The following TMEM150B variants were observed in gnomAD, a reference collection of about 807,000 sequenced individuals.
The protein encoded by TMEM150B is transmembrane protein 150B, also known as modulator of macroautophagy TMEM150B.
TMEM150B carries 33 observed loss-of-function variants against 25.2 expected under a neutral mutation model. That is an observed-to-expected ratio of 1.31 (90% CI 0.99 to 1.75). TMEM150B has a LOEUF of 1.75. Among genes scored for constraint, TMEM150B ranks in the 40% most tolerant of loss-of-function variants. The pLI, the probability that TMEM150B is intolerant of heterozygous loss-of-function variation, is 0.00. For synonymous variants in TMEM150B, 133 were observed against 134.8 expected (o/e 0.99, Z 0.09); for missense variants, 322 against 306.1 (o/e 1.05, Z -0.39).
chr19:55,320,586 C>G lies in TMEM150B; in HGVS notation c.100G>C (p.Asp34His), dbSNP rs2089174435. ...FAIAVTNRTV[D>H]LSKGFPYISI... The stretch of plus-strand genomic sequence containing the variant: ...ATGTAGGGAAAGCCTTTACTGAGGT[C>G]CACAGTCCTGTTGGTCACTGCAATG... The change falls in exon 4 of 8, where the codon GAC (aspartate) becomes CAC (histidine). Residue 34 changes from aspartate to histidine, a missense_variant. Asp to His is a moderately conservative substitution (Grantham distance 81, BLOSUM62 -1). Coordinates refer to ENST00000326652, the MANE Select transcript of TMEM150B (RefSeq NM_001282011.2). The G allele has an allele frequency of 1.2e-6, 2 of 1,613,696 alleles. No individual in the cohort carries two copies. Among genetic ancestry groups the G allele is most frequent in the African/African-American group, 1.3e-5 (1 of 74,834 alleles).
At chr19:55,315,447 T>C (rs2088964652) in intron 7 of TMEM150B, among the ~76,000 whole-genome samples, 1 of 151,752 alleles carries the variant, frequency 6.6e-6, no homozygotes, top group South Asian at 2.1e-4. Context: ...CTGGCCAATA[T>C]GATGAAACCC....
rs564380457 is a variant in TMEM150B at position 55,319,016 on chromosome 19, A to G, written c.324+1023T>C. 3.3e-5 allele frequency among the ~76,000 whole-genome samples: 5 copies of G among 152,298 alleles called. 1 individual carries two copies. The South Asian group carries it at 1.0e-3, about 32-fold the overall frequency. On this transcript the variant is annotated intron_variant, in intron 6 of 7. Transcript: ENST00000326652. ...GAGACAGAGTCTTGCTATGTTGTCC[A>G]GGCTGGTCTTGAACTCCTGGGCTCA...
chr19:55,312,795 C>A (rs1183856569), downstream of TMEM150B: 2 of 1,471,588 alleles, frequency 1.4e-6, no homozygotes, highest in Non-Finnish European at 1.8e-6. Flanking sequence ...GGGTGCGGGG[C>A]ACTGGGATTG....
chr19:55,310,791 G>A (rs955134556), downstream of TMEM150B, among the ~76,000 whole-genome samples: 1 of 152,094 alleles, frequency 6.6e-6, no homozygotes. The surrounding 1 kb of genome is among the most constrained non-coding windows in gnomAD (Gnocchi z 5.0). Context: ...ACTGGACCCC[G>A]TTGCCGAGGA....
In TMEM150B at chr19:55,320,081, AC is replaced by A. The variant is rs1246349046; in HGVS notation, c.281del (p.Gly94ValfsTer11). ...CGGAGGTGCCCAGGGCACACAGAAG[AC>A]CCGTCCATAGGATCAGCTGGTTAGG... ...RWPNQLILWT[G>X]LLCALGTSVV... On this transcript the variant is annotated frameshift_variant, in exon 6 of 8. Transcript: ENST00000326652. LOFTEE classifies it high-confidence loss of function. 6.2e-7 allele frequency: 1 copy of A among 1,613,728 alleles called. No homozygotes were observed. The highest frequency in any genetic ancestry group is 8.5e-7 in the Non-Finnish European group (1 of 1,179,986).
At chr19:55,320,886 C>A (rs1030657103) in intron 3 of TMEM150B, 83 bp downstream of exon 3, 50 of 1,519,428 alleles carry the variant, frequency 3.3e-5, no homozygotes, top group Admixed American at 1.2e-4. Context: ...GCCCCCAACC[C>A]CTTCCTCCCT....
downstream of TMEM150B, chr19:55,312,373 G>T (rs756897190): frequency 1.9e-4 from 38 of 198,064 alleles, no homozygotes; most frequent in Non-Finnish European, 3.2e-4. Flanking sequence ...TAGCAGATCC[G>T]GACAGGGCCC....
At chr19:55,319,898 T>C (rs2089145027) in intron 6 of TMEM150B, 141 bp downstream of exon 6, 1 of 1,468,942 alleles carries the variant, frequency 6.8e-7, no homozygotes, top group Non-Finnish European at 9.0e-7. Context: ...CCAAGGCCAC[T>C]GGCCAGAGAA....
intron 6 of TMEM150B, among the ~76,000 whole-genome samples, chr19:55,318,736 G>T (rs1261127605): frequency 6.6e-6 from 1 of 152,204 alleles, no homozygotes; most frequent in African/African-American, 2.4e-5. Context: ...GTACAAAATG[G>T]AAAGCCTGCT....
chr19:55,316,064 A>G (rs1252409844), intron 7 of TMEM150B, among the ~76,000 whole-genome samples: 2 of 152,186 alleles, frequency 1.3e-5, no homozygotes, highest in Non-Finnish European at 2.9e-5. Flanking sequence ...GGTTCTGGGG[A>G]TGGCTCAGAA....
At chr19:55,310,836 G>A (rs1357315234), downstream of TMEM150B, among the ~76,000 whole-genome samples, 2 of 152,122 alleles carry the variant, frequency 1.3e-5, no homozygotes, top group African/African-American at 4.8e-5. This position sits in a 1 kb window ranked among gnomAD's most constrained non-coding sequence, Gnocchi z 5.0. Flanking sequence ...CTCAAAACGG[G>A]CACACCCTGG....
In TMEM150B at chr19:55,321,039, C is replaced by G; in HGVS notation, c.-3G>C. 2.5e-6 allele frequency: 4 copies of G among 1,613,220 alleles called. No individual in the cohort carries two copies. The highest frequency in any genetic ancestry group is 3.4e-6 in the Non-Finnish European group (4 of 1,179,558). On this transcript the variant is annotated 5_prime_UTR_variant, in exon 3 of 8. Transcript: ENST00000326652. ...ATCAGCGACAGGTAGCCCCACATGC[C>G]GGGCTCTGCAGGTGAAGGATCGGGG...
chr19:55,312,702 C>A (rs547643267), downstream of TMEM150B: 2 of 706,278 alleles, frequency 2.8e-6, no homozygotes, highest in Non-Finnish European at 4.3e-6. Context: ...AGGCCCTCCG[C>A]GCCGGCACAC....
intron 1 of TMEM150B, chr19:55,324,791 C>G (rs1017068083): frequency 9.1e-6 from 9 of 985,478 alleles, no homozygotes; most frequent in Non-Finnish European, 9.6e-6. Context: ...TTCCTCCTTT[C>G]GCTTCTTTTT....
chr19:55,310,582 A>G (rs2088763116), downstream of TMEM150B, among the ~76,000 whole-genome samples: 2 of 151,884 alleles, frequency 1.3e-5, no homozygotes, highest in African/African-American at 4.8e-5. The surrounding 1 kb of genome is among the most constrained non-coding windows in gnomAD (Gnocchi z 5.0). Flanking sequence ...GTCTGGAGAC[A>G]TTTTTCCTCC....
downstream of TMEM150B, chr19:55,312,027 G>A: frequency 2.0e-6 from 3 of 1,501,272 alleles, no homozygotes; most frequent in South Asian, 3.9e-5. Flanking sequence ...CCCCCCCAAG[G>A]ACAAGAAGCT....
At chr19:55,313,618 C>T (rs1220949520) in intron 7 of TMEM150B, among the ~76,000 whole-genome samples, 2 of 152,120 alleles carry the variant, frequency 1.3e-5, no homozygotes, top group Admixed American at 6.6e-5. Flanking sequence ...GACACTCCCC[C>T]GGCCCTCTCT....
downstream of TMEM150B, among the ~76,000 whole-genome samples, chr19:55,309,694 C>G (rs1377290232): frequency 2.6e-5 from 4 of 152,202 alleles, no homozygotes; most frequent in Non-Finnish European, 5.9e-5. Flanking sequence ...AATACCATCA[C>G]CTTGGGATTG....
At chr19:55,321,114 G>A (rs1600230961) in intron 2 of TMEM150B, 21 bp from the exon 3 acceptor site, 1 of 1,533,764 alleles carries the variant, frequency 6.5e-7, no homozygotes, top group South Asian at 1.3e-5. Context: ...AGCCCTCAAG[G>A]AGGGCCCAGG....
Sources: allele counts gnomAD v4.1 joint callset (sites outside exome capture counted in the v4.1 genomes callset), GRCh38; gene constraint gnomAD v4.1.1; non-coding constraint Gnocchi (gnomAD v3.1); transcripts MANE v1.5; gene names NCBI Gene and HGNC (gene_info 2026-07-23, HGNC 2026-07-21).